Variants in WIPI2 observed in about 807,000 individuals in gnomAD.
WIPI2 encodes WD repeat domain phosphoinositide-interacting protein 2.
Under a neutral mutation model 52.3 loss-of-function variants are expected in WIPI2, and 28 were observed. The observed-to-expected ratio is 0.54, with a 90% CI of 0.40 to 0.73. The LOEUF is 0.73. WIPI2 is among the 30% of genes least tolerant of loss of function. WIPI2 has a pLI of 0.00. For missense variants in WIPI2, 506 were observed against 602.9 expected, an observed-to-expected ratio of 0.84 and a Z score of 1.68; for synonymous variants, 268 against 245.0, an observed-to-expected ratio of 1.09 and a Z score of -0.88.
intron 1 of WIPI2, 52 bp downstream of exon 1, chr7:5,190,545 G>A: frequency 7.2e-7 from 1 of 1,398,272 alleles, no homozygotes; most frequent in South Asian, 1.5e-5. Flanking sequence ...GTCGGACCCG[G>A]GCTAGGGGGA....
intron 4 of WIPI2, among the ~76,000 whole-genome samples, chr7:5,215,411 T>C (rs1782764919): frequency 6.6e-6 from 1 of 152,268 alleles, no homozygotes; most frequent in South Asian, 2.1e-4. Context: ...CCTAAACTAA[T>C]AAGACTGTCT....
Position 5,227,323 on chromosome 7 carries a change from A to G in WIPI2, c.992A>G (p.Lys331Arg), listed in dbSNP as rs982607564. The part of the protein sequence containing the change: ...ATVRLPFCGH[K>R]NICSLATIQK... ...GTCCGCCTGCCATTCTGCGGCCACA[A>G]AAACATCTGCTCGCTAGCCACGTGA... The change falls in exon 10 of 13, where the codon AAA becomes AGA. Residue 331 changes from lysine (K) to arginine (R), a missense_variant. Lys to Arg is a conservative substitution (Grantham distance 26, BLOSUM62 2). Transcript: ENST00000288828. The surrounding 1 kb of genome is among the most constrained non-coding windows in gnomAD (Gnocchi z 8.1). The G allele has an allele frequency of 6.2e-7, 1 of 1,613,662 alleles. No homozygotes were observed. Among genetic ancestry groups the G allele is most frequent in the Non-Finnish European group, 8.5e-7 (1 of 1,180,012 alleles).
intron 11 of WIPI2, among the ~76,000 whole-genome samples, chr7:5,228,823 G>C (rs927483441): frequency 6.6e-6 from 1 of 152,170 alleles, no homozygotes; most frequent in African/African-American, 2.4e-5. Flanking sequence ...TGACCTCCCA[G>C]GTTCAAGGGA....
chr7:5,193,930 C>T (rs750922631), intron 2 of WIPI2, among the ~76,000 whole-genome samples: 6 of 152,136 alleles, frequency 3.9e-5, no homozygotes, highest in Non-Finnish European at 8.8e-5. Flanking sequence ...ATTCTGCCTG[C>T]TATGCAAAGG....
At chr7:5,190,583 C>T (rs932334726) in intron 1 of WIPI2, 90 bp downstream of exon 1, 76 of 1,255,910 alleles carry the variant, frequency 6.1e-5, no homozygotes, top group Non-Finnish European at 7.1e-5. Flanking sequence ...TCGGCGGCGT[C>T]GCAGGCTCGG....
rs1224883287 is a variant in WIPI2 at position 5,227,082 on chromosome 7, T to C, written c.849-98T>C. ...ATTTTCCTGTGAAGAATGGAGACTT[T>C]TGCTGTCGGCTCCAGAGCTGTGCGT... On this transcript the variant is annotated intron_variant, in intron 9 of 12. Coordinates refer to ENST00000288828, the MANE Select transcript of WIPI2 (RefSeq NM_015610.4). This position sits in a 1 kb window ranked among gnomAD's most constrained non-coding sequence, Gnocchi z 8.1. 8 of 1,496,306 alleles carry C rather than the reference T, an allele frequency of 5.3e-6. No homozygotes were observed. Among genetic ancestry groups the C allele is most frequent in the East Asian group, 2.3e-5 (1 of 43,940 alleles). 92.7% of individuals were successfully genotyped at this position (1,496,306 alleles called of 1,614,324 possible). A position where few individuals can be genotyped will look rare whatever the true frequency, so the allele number is the denominator to read the frequency against.
Position 5,229,742 on chromosome 7 carries a change from AG to A in WIPI2, c.1252+8del. On this transcript the variant is annotated splice_donor_5th_base_variant and intron_variant, in intron 12 of 12. Coordinates refer to ENST00000288828, the MANE Select transcript of WIPI2 (RefSeq NM_015610.4). ...CCTTCATCCCCAACGAGACTTGGTAAGGGGCGTGACGCAAACCTGGAAGGTA... is the reference window on the plus strand; with the variant it reads ...CCTTCATCCCCAACGAGACTTGGTAAGGGCGTGACGCAAACCTGGAAGGTA... The A allele has an allele frequency of 6.2e-7, 1 of 1,612,568 alleles. No individual in the cohort carries two copies. Among genetic ancestry groups the A allele is most frequent in the Non-Finnish European group, 8.5e-7 (1 of 1,178,988 alleles).
rs1401672312 is a variant in WIPI2 at position 5,230,903 on chromosome 7, G to A, written c.1321G>A (p.Asp441Asn). 1.2e-6 allele frequency: 2 copies of A among 1,613,708 alleles called. No homozygotes were observed. The highest frequency in any genetic ancestry group is 2.7e-5 in the African/African-American group (2 of 74,926). The change falls in exon 13 of 13, where the codon GAT becomes AAT. Residue 441 changes from aspartate (D) to asparagine (N), a missense_variant. Coordinates refer to ENST00000288828, the MANE Select transcript of WIPI2 (RefSeq NM_015610.4). The surrounding 1 kb of genome is among the most constrained non-coding windows in gnomAD (Gnocchi z 4.8). The stretch of plus-strand genomic sequence containing the variant: ...GGACGAGGCCAGCGCCCTGCGCCTG[G>A]ATGAGGACAGCGAGCACCCGCCCAT... The part of the protein sequence containing the change: ...LEDEASALRL[D>N]EDSEHPPMIL...
At chr7:5,209,309 C>T (rs751952740) in intron 3 of WIPI2, among the ~76,000 whole-genome samples, 12 of 152,136 alleles carry the variant, frequency 7.9e-5, no homozygotes, top group Non-Finnish European at 1.6e-4. Flanking sequence ...CTCACTGCAA[C>T]GTGTAAGACC....
chr7:5,229,798 C>A, intron 12 of WIPI2, 60 bp downstream of exon 12: 1 of 1,596,162 alleles, frequency 6.3e-7, no homozygotes, highest in Admixed American at 1.7e-5. Context: ...GTGCTACTGC[C>A]TTCTGCTGGC....
rs1783741398 is a variant in WIPI2 at position 5,231,944 on chromosome 7, T to C, written c.*997T>C. On this transcript the variant is annotated 3_prime_UTR_variant, in exon 13 of 13. Coordinates refer to ENST00000288828, the MANE Select transcript of WIPI2 (RefSeq NM_015610.4). ...GGGCCACGTCCTTCACAGGGCGTCATGTGCCTTTCTATTTTCATCTTAGAA... is the reference window on the plus strand; with the variant it reads ...GGGCCACGTCCTTCACAGGGCGTCACGTGCCTTTCTATTTTCATCTTAGAA... The C allele has an allele frequency of 2.8e-6, 1 of 361,890 alleles. No homozygotes were observed. Among genetic ancestry groups the C allele is most frequent in the South Asian group, 1.5e-4 (1 of 6,660 alleles). The allele number at this position is 361,890 out of a possible 1,614,324, so 22.4% of individuals were successfully genotyped here. A position where few individuals can be genotyped will look rare whatever the true frequency, so the allele number is the denominator to read the frequency against.
chr7:5,229,352 T>C, intron 11 of WIPI2: 1 of 343,688 alleles, frequency 2.9e-6, no homozygotes, highest in South Asian at 3.8e-5. Flanking sequence ...ATCCTCGTTA[T>C]TAGTTAGTTC....
At position 5,227,065 on chromosome 7, in the gene WIPI2, G is replaced by A. The variant is rs1783470753; in HGVS notation, c.849-115G>A. The A allele has an allele frequency of 7.1e-7, 1 of 1,408,786 alleles. No homozygotes were observed. The highest frequency in any genetic ancestry group is 2.3e-5 in the East Asian group (1 of 43,410). The allele number at this position is 1,408,786 out of a possible 1,614,324, so 87.3% of individuals were successfully genotyped here. On this transcript the variant is annotated intron_variant, in intron 9 of 12. Coordinates refer to ENST00000288828, the MANE Select transcript of WIPI2 (RefSeq NM_015610.4). The surrounding 1 kb of genome is among the most constrained non-coding windows in gnomAD (Gnocchi z 8.1). ...ATAACCAACCCTGTTTAATTTTCCT[G>A]TGAAGAATGGAGACTTTTGCTGTCG...
chr7:5,227,115 A>T lies in WIPI2; in HGVS notation c.849-65A>T, dbSNP rs1377467871. Reference sequence around the variant, plus strand: ...GGCTCCAGAGCTGTGCGTCTGTGTGAGTAGGGGGTGGCCGTCCCCCCAGGG... The same window carrying T: ...GGCTCCAGAGCTGTGCGTCTGTGTGTGTAGGGGGTGGCCGTCCCCCCAGGG... On this transcript the variant is annotated intron_variant, in intron 9 of 12. Coordinates refer to ENST00000288828, the MANE Select transcript of WIPI2 (RefSeq NM_015610.4). The surrounding 1 kb of genome is among the most constrained non-coding windows in gnomAD (Gnocchi z 8.1). The T allele has an allele frequency of 1.8e-5, 28 of 1,595,126 alleles. No individual in the cohort carries two copies. In the East Asian group the frequency reaches 6.3e-4, roughly 36 times the overall value.
At chr7:5,207,218 A>C (rs574189419) in intron 3 of WIPI2, among the ~76,000 whole-genome samples, 21 of 152,174 alleles carry the variant, frequency 1.4e-4, no homozygotes, top group Non-Finnish European at 2.8e-4. Flanking sequence ...AGTGAACACT[A>C]TGTGAGTTTT....
chr7:5,199,791 T>C (rs974059970), intron 3 of WIPI2, 133 bp downstream of exon 3: 4 of 883,764 alleles, frequency 4.5e-6, no homozygotes, highest in Non-Finnish European at 3.4e-6. Flanking sequence ...GCTTCCACCT[T>C]CATCTCCCCA....
chr7:5,205,257 C>A (rs961473300), intron 3 of WIPI2, among the ~76,000 whole-genome samples: 5 of 151,808 alleles, frequency 3.3e-5, no homozygotes, highest in African/African-American at 1.2e-4. Flanking sequence ...ATTACAGGCG[C>A]GAGCCACTGC....
At chr7:5,200,744 C>T (rs549474223) in intron 3 of WIPI2, among the ~76,000 whole-genome samples, 7 of 152,262 alleles carry the variant, frequency 4.6e-5, no homozygotes, top group Non-Finnish European at 8.8e-5. Flanking sequence ...CGCTCCTGGG[C>T]CCTGGCCTCC....
At chr7:5,214,115 A>G in intron 3 of WIPI2, 1 of 356,454 alleles carries the variant, frequency 2.8e-6, no homozygotes, top group Non-Finnish European at 4.8e-6. Context: ...GTATGCGAGC[A>G]CGTAGGCTAG....
Sources: allele counts gnomAD v4.1 joint callset (sites outside exome capture counted in the v4.1 genomes callset), GRCh38; gene constraint gnomAD v4.1.1; non-coding constraint Gnocchi (gnomAD v3.1); transcripts MANE v1.5; gene names NCBI Gene and HGNC (gene_info 2026-07-23, HGNC 2026-07-21).